PPP3R1: variants seen among roughly 807,000 people sequenced by gnomAD.
PPP3R1 encodes the protein protein phosphatase 3 regulatory subunit B, alpha, also known as calcineurin subunit B type 1.
PPP3R1 carries 5 observed loss-of-function variants against 22.6 expected under a neutral mutation model. The ratio of observed to expected loss-of-function variants is 0.22; its 90% CI spans 0.12 to 0.46. PPP3R1 has a LOEUF of 0.46. Ranked by LOEUF, PPP3R1 falls within the 20% of genes least tolerant of loss-of-function variation. PPP3R1 has a pLI of 0.99. For synonymous variants in PPP3R1, 56 were observed against 65.2 expected (o/e 0.86, Z 0.68); for missense variants, 61 against 203.2 (o/e 0.30, Z 4.25).
intron 2 of PPP3R1, among the ~76,000 whole-genome samples, chr2:68,210,414 A>G (rs2103760967): frequency 6.6e-6 from 1 of 152,326 alleles, no homozygotes; most frequent in East Asian, 1.9e-4. Flanking sequence ...ATATTTGACA[A>G]TAGCAATTTG....
At chr2:68,190,982 G>C (rs1674655202) in intron 2 of PPP3R1, among the ~76,000 whole-genome samples, 1 of 152,160 alleles carries the variant, frequency 6.6e-6, no homozygotes, top group Non-Finnish European at 1.5e-5. Flanking sequence ...TTAATACTCT[G>C]TTACAAACAA....
At chr2:68,242,974 G>A (rs1670162428) in intron 1 of PPP3R1, among the ~76,000 whole-genome samples, 1 of 152,112 alleles carries the variant, frequency 6.6e-6, no homozygotes, top group Admixed American at 6.5e-5. Context: ...GTGTTCTTTA[G>A]AAAAAGAGCT....
rs1670377533 is a variant in PPP3R1, at chr2:68,252,130, T to C, written c.-3A>G. On this transcript the variant is annotated 5_prime_UTR_variant, in exon 1 of 6. Coordinates refer to ENST00000234310, the MANE Select transcript of PPP3R1 (RefSeq NM_000945.4). ...CGAGGAAGCCAAGGTCTCACCATTTTGCTCGGCGGGTCGGCGGCTCGCTGG... is the reference window on the plus strand; with the variant it reads ...CGAGGAAGCCAAGGTCTCACCATTTCGCTCGGCGGGTCGGCGGCTCGCTGG... The C allele has an allele frequency of 1.4e-6, 2 of 1,438,266 alleles. No homozygotes were observed. The highest frequency in any genetic ancestry group is 3.0e-5 in the East Asian group (1 of 32,948). 89.1% of individuals were successfully genotyped at this position (1,438,266 alleles called of 1,614,324 possible). A position where few individuals can be genotyped will look rare whatever the true frequency, so the allele number is the denominator to read the frequency against.
At position 68,206,297 on chromosome 2, in the gene PPP3R1, A is replaced by C. The variant is rs17035123; in HGVS notation, c.43+10795T>G. On this transcript the variant is annotated intron_variant, in intron 2 of 5. Coordinates refer to ENST00000234310, the MANE Select transcript of PPP3R1 (RefSeq NM_000945.4). ...CCTAGAGATGAGATAGCACAAGATC[A>C]AAAGCACAGGGGAAGGGCTAACCAT... Among the ~76,000 whole-genome samples, 166 of 152,358 alleles carry C rather than the reference A, an allele frequency of 1.1e-3. 4 individuals carry two copies. The East Asian group carries it at 0.028, about 26-fold the overall frequency.
intron 1 of PPP3R1, among the ~76,000 whole-genome samples, chr2:68,238,706 A>G (rs1351641301): frequency 6.6e-6 from 1 of 152,202 alleles, no homozygotes; most frequent in Non-Finnish European, 1.5e-5. Context: ...TGGGCTATCA[A>G]AATAGCCCAC....
intron 2 of PPP3R1, among the ~76,000 whole-genome samples, chr2:68,195,679 G>C (rs532035976): frequency 6.6e-6 from 1 of 151,902 alleles, no homozygotes; most frequent in Admixed American, 6.6e-5. Flanking sequence ...CATTAATTGG[G>C]ATGCTCCTGT....
intron 1 of PPP3R1, among the ~76,000 whole-genome samples, chr2:68,239,617 G>A (rs564782593): frequency 6.6e-6 from 1 of 152,194 alleles, no homozygotes; most frequent in East Asian, 1.9e-4. Context: ...GAACGATGTG[G>A]CCTGAAAAAT....
At chr2:68,234,693 C>T (rs576244317) in intron 1 of PPP3R1, among the ~76,000 whole-genome samples, 55 of 152,272 alleles carry the variant, frequency 3.6e-4, no homozygotes, top group Middle Eastern at 6.8e-3. Flanking sequence ...ACGTGAAATA[C>T]TATTACATGG....
rs557878025 is a variant in PPP3R1 at position 68,205,889 on chromosome 2, G to A, written c.43+11203C>T. On this transcript the variant is annotated intron_variant, in intron 2 of 5. Coordinates refer to ENST00000234310, the MANE Select transcript of PPP3R1 (RefSeq NM_000945.4). ...GGCTGGAGTGCAATGGCGCGATCTC[G>A]GCTCACAGCAACCTCCACCTCCTGG... Among the ~76,000 whole-genome samples the A allele has an allele frequency of 7.2e-5, 11 of 151,842 alleles. No individual in the cohort carries two copies. In the South Asian group the frequency reaches 1.9e-3, roughly 26 times the overall value.
At chr2:68,200,457 A>T (rs1674952143) in intron 2 of PPP3R1, among the ~76,000 whole-genome samples, 1 of 152,244 alleles carries the variant, frequency 6.6e-6, no homozygotes. Context: ...ACATTCTTAG[A>T]ATTATTTTCA....
At chr2:68,219,892 T>C (rs1669654230) in intron 1 of PPP3R1, among the ~76,000 whole-genome samples, 1 of 152,250 alleles carries the variant, frequency 6.6e-6, no homozygotes, top group South Asian at 2.1e-4. Flanking sequence ...CAAGATCACT[T>C]GTTGATGAGG....
intron 1 of PPP3R1, among the ~76,000 whole-genome samples, chr2:68,246,767 C>A (rs1047357452): frequency 6.6e-6 from 1 of 152,132 alleles, no homozygotes; most frequent in Non-Finnish European, 1.5e-5. Context: ...ACTCTCTTCA[C>A]GTCTCATTTT....
chr2:68,200,025 G>A (rs1426869068), intron 2 of PPP3R1, among the ~76,000 whole-genome samples: 3 of 152,004 alleles, frequency 2.0e-5, no homozygotes, highest in African/African-American at 7.2e-5. Context: ...CAGTAAAGCC[G>A]TTTGACCTTA....
chr2:68,196,276 T>C (rs1046179693), intron 2 of PPP3R1, among the ~76,000 whole-genome samples: 1 of 152,104 alleles, frequency 6.6e-6, no homozygotes, highest in African/African-American at 2.4e-5. Context: ...CGAAGGTAAA[T>C]GGCTGTATTT....
intron 2 of PPP3R1, among the ~76,000 whole-genome samples, chr2:68,213,753 A>G (rs1463301162): frequency 6.6e-6 from 1 of 152,202 alleles, no homozygotes; most frequent in Non-Finnish European, 1.5e-5. Context: ...CCTGCATACT[A>G]CCCAAAACAA....
intron 1 of PPP3R1, among the ~76,000 whole-genome samples, chr2:68,239,198 A>G (rs1655454585): frequency 6.6e-6 from 1 of 152,226 alleles, no homozygotes; most frequent in African/African-American, 2.4e-5. Context: ...GACAGTATAC[A>G]GTACCGTATT....
chr2:68,194,287 C>T (rs1268696580), intron 2 of PPP3R1, among the ~76,000 whole-genome samples: 1 of 152,052 alleles, frequency 6.6e-6, no homozygotes, highest in African/African-American at 2.4e-5. Context: ...GACTTAACCT[C>T]GATCAATTGC....
chr2:68,198,446 T>TGTATATACATATATAC (rs59854910), intron 2 of PPP3R1, among the ~76,000 whole-genome samples: 2 of 149,186 alleles, frequency 1.3e-5, no homozygotes, highest in Admixed American at 6.7e-5. Flanking sequence ...TGTGTATATA[T>TGTATATACATATATAC]GTATATACAT....
At chr2:68,192,505 T>C (rs980324397) in intron 2 of PPP3R1, among the ~76,000 whole-genome samples, 1 of 152,190 alleles carries the variant, frequency 6.6e-6, no homozygotes, top group African/African-American at 2.4e-5. Flanking sequence ...ACATTAATTA[T>C]AGTTTAGAAA....
Sources: gnomAD v4.1 joint callset for allele counts (sites outside exome capture counted in the v4.1 genomes callset) on GRCh38, gnomAD v4.1.1 for gene constraint, MANE v1.5 for transcripts, NCBI Gene and HGNC (gene_info 2026-07-23, HGNC 2026-07-21) for gene names.